ZC3HC1: variants seen among roughly 807,000 people sequenced by gnomAD.
The protein encoded by ZC3HC1 is zinc finger C3HC-type containing 1.
A neutral mutation model predicts 61.9 loss-of-function variants in ZC3HC1; 38 were observed. The observed-to-expected ratio is 0.61, with a 90% CI of 0.47 to 0.81. The LOEUF (loss-of-function observed/expected upper bound fraction) is 0.81, where lower values mean the gene tolerates loss of function less well. ZC3HC1 is among the 30% of genes least tolerant of loss of function. The pLI is 0.00. For synonymous variants in ZC3HC1, 213 were observed against 229.9 expected, an observed-to-expected ratio of 0.93 and a Z score of 0.67; for missense variants, 554 against 622.7, an observed-to-expected ratio of 0.89 and a Z score of 1.17.
chr7:130,020,281 T>TC (rs973839537), intron 9 of ZC3HC1, among the ~76,000 whole-genome samples: 2 of 151,508 alleles, frequency 1.3e-5, no homozygotes, highest in African/African-American at 4.8e-5. Flanking sequence ...TTTCTTTTTT[T>TC]TTTTTTTTTG....
chr7:130,034,417 A>G (rs191425267), intron 4 of ZC3HC1, among the ~76,000 whole-genome samples: 6,124 of 134,442 alleles, frequency 0.046, 191 homozygotes, highest in African/African-American at 0.1. Context: ...CCCGGGAGGC[A>G]GAGCTTGCAG....
Position 130,028,930 on chromosome 7 carries a change from G to A in ZC3HC1, c.593C>T (p.Ser198Phe), listed in dbSNP as rs767398625. 6.2e-7 allele frequency: 1 copy of A among 1,613,728 alleles called. No individual in the cohort carries two copies. Among genetic ancestry groups the A allele is most frequent in the South Asian group, 1.1e-5 (1 of 91,066 alleles). ...SLCHLDLQLP[S>F]LRPEDLKTMC... Reference sequence around the variant, plus strand: ...AGTTTTCAAGTCCTCCGGCCTTAGGGAAGGAAGCTGGAGGTCCAAGTGACA... The same window carrying A: ...AGTTTTCAAGTCCTCCGGCCTTAGGAAAGGAAGCTGGAGGTCCAAGTGACA... The change falls in exon 5 of 10, where the codon TCC (serine) becomes TTC (phenylalanine). Residue 198 changes from serine to phenylalanine, a missense_variant. Ser to Phe is a radical substitution (Grantham distance 155). Transcript: ENST00000358303.
At position 130,041,140 on chromosome 7, in the gene ZC3HC1, ATATATGTGTGTG is replaced by A. The variant is rs755380564; in HGVS notation, c.259-51_259-40del. 7.4e-4 allele frequency: 1,157 copies of A among 1,563,442 alleles called. 5 individuals are homozygous for A. The highest frequency in any genetic ancestry group is 1.4e-3 in the Middle Eastern group (8 of 5,918). ...GAAAAACAACACAGCAAATATATAT[ATATATGTGTGTG>A]TATGTGTGTGTGTGTGTGTGTGTGT... On this transcript the variant is annotated intron_variant, in intron 2 of 9. Transcript: ENST00000358303.
chr7:130,024,154 T>C (rs2116664385), intron 7 of ZC3HC1, 109 bp downstream of exon 7: 2 of 1,407,478 alleles, frequency 1.4e-6, no homozygotes, highest in Non-Finnish European at 1.9e-6. Flanking sequence ...GTAACCAATG[T>C]AGTGGGAAGA....
chr7:130,040,674 G>A (rs1461702917), intron 3 of ZC3HC1, among the ~76,000 whole-genome samples: 2 of 148,068 alleles, frequency 1.4e-5, no homozygotes, highest in Non-Finnish European at 3.0e-5. Flanking sequence ...CAGGTGTAGT[G>A]GCACTGCGCC....
rs1477506197 is a variant in ZC3HC1, at chr7:130,020,671, A to G, written c.1440+1648T>C. Among the ~76,000 whole-genome samples the G allele has an allele frequency of 9.2e-5, 14 of 152,246 alleles. No homozygotes were observed. The South Asian group carries it at 2.9e-3, about 32-fold the overall frequency. On this transcript the variant is annotated intron_variant, in intron 9 of 9. Transcript: ENST00000358303. The stretch of plus-strand genomic sequence containing the variant: ...CAGAAGGTTAAGACACACTACCGAA[A>G]AAAAAAGTCCTGGAATCCAGGGCCA...
chr7:130,020,946 C>A (rs1008723503), intron 9 of ZC3HC1, among the ~76,000 whole-genome samples: 1 of 151,876 alleles, frequency 6.6e-6, no homozygotes, highest in Non-Finnish European at 1.5e-5. Flanking sequence ...CTCTCTGAAG[C>A]CCAGGCTGGA....
In ZC3HC1 at chr7:130,043,997, C is replaced by T. The variant is rs1015467448; in HGVS notation, c.259-2896G>A. 1.6e-5 allele frequency: 6 copies of T among 363,948 alleles called. No homozygotes were observed. The Admixed American group carries it at 2.4e-4, about 15-fold the overall frequency. 22.5% of individuals were successfully genotyped at this position (363,948 alleles called of 1,614,324 possible). ...GATGTACAATTGCAACTGGAGATGT[C>T]AGCAGGAACTCATCGTTTTTTAAAA... is the stretch of plus-strand genomic sequence containing the variant. On this transcript the variant is annotated intron_variant, in intron 2 of 9. Coordinates refer to ENST00000358303, the MANE Select transcript of ZC3HC1 (RefSeq NM_016478.5).
At chr7:130,050,232 C>T (rs1254166149) in intron 1 of ZC3HC1, among the ~76,000 whole-genome samples, 6 of 152,126 alleles carry the variant, frequency 3.9e-5, no homozygotes, top group Admixed American at 6.5e-5. Context: ...CGCGGGCCAC[C>T]ACGCCCGGCT....
chr7:130,050,756 A>T (rs957901003), intron 1 of ZC3HC1, among the ~76,000 whole-genome samples: 4 of 152,188 alleles, frequency 2.6e-5, no homozygotes, highest in African/African-American at 7.2e-5. Context: ...TGGACTCTTT[A>T]ATAAAAAGCA....
In ZC3HC1 at chr7:130,049,063, T is replaced by C; in HGVS notation, c.228A>G (p.Glu76=). The change falls in exon 2 of 10, where the codon GAA becomes GAG. Residue 76 remains glutamate (E), a synonymous_variant. Transcript: ENST00000358303. ...ATGTTTCCACTCTGCTAAAGAAGGC[T>C]TCTTTGCTTGTAGATTCCAATGAAG... ...EQPSLESTSK[E]AFFSRVETFS... is the part of the protein sequence containing the mutation. 6.2e-7 allele frequency: 1 copy of C among 1,607,940 alleles called. No homozygotes were observed. Among genetic ancestry groups the C allele is most frequent in the South Asian group, 1.1e-5 (1 of 89,236 alleles).
At chr7:130,032,599 T>C (rs541049870) in intron 4 of ZC3HC1, among the ~76,000 whole-genome samples, 41 of 149,746 alleles carry the variant, frequency 2.7e-4, no homozygotes, top group African/African-American at 8.4e-4. Flanking sequence ...TGAGCTATGA[T>C]TGTGCCACTG....
intron 8 of ZC3HC1, chr7:130,022,928 A>G (rs756310371): frequency 3.9e-6 from 1 of 257,628 alleles, no homozygotes; most frequent in East Asian, 1.3e-4. Context: ...CCTACTGTGA[A>G]CTGCACATGA....
intron 6 of ZC3HC1, among the ~76,000 whole-genome samples, chr7:130,025,609 C>T (rs1440288090): frequency 2.0e-5 from 3 of 151,874 alleles, no homozygotes; most frequent in Non-Finnish European, 4.4e-5. Flanking sequence ...TGGCTCACGC[C>T]TGTAATCCCA....
At chr7:130,045,526 C>G in intron 2 of ZC3HC1, 1 of 457,426 alleles carries the variant, frequency 2.2e-6, no homozygotes, top group Non-Finnish European at 4.4e-6. Context: ...GAAGAATTTG[C>G]CATTTTCAGT....
intron 4 of ZC3HC1, among the ~76,000 whole-genome samples, chr7:130,032,222 T>TA (rs71175066): frequency 1.4e-5 from 2 of 144,160 alleles, no homozygotes; most frequent in African/African-American, 2.5e-5. Context: ...AGATTCCCTC[T>TA]AAAAAAAAAA....
In ZC3HC1 at chr7:130,023,514, A is replaced by G. The variant is rs1793740194; in HGVS notation, c.1230T>C (p.Ser410=). The change falls in exon 8 of 10, where the codon AGT becomes AGC. Residue 410 remains serine, a synonymous_variant. Coordinates refer to ENST00000358303, the MANE Select transcript of ZC3HC1 (RefSeq NM_016478.5). This position sits in a 1 kb window ranked among gnomAD's most constrained non-coding sequence, Gnocchi z 4.2. ...GCTACATGCGAGGTGGACTCACCGAACTGCTGGAGGAGCAGAGGCGAGCTC... is the reference window on the plus strand; with the variant it reads ...GCTACATGCGAGGTGGACTCACCGAGCTGCTGGAGGAGCAGAGGCGAGCTC... ...AKRARLCSSS[S]SDTSSRSFFD... The G allele has an allele frequency of 1.2e-6, 2 of 1,614,032 alleles. No individual in the cohort carries two copies.
intron 9 of ZC3HC1, among the ~76,000 whole-genome samples, chr7:130,019,826 T>TC (rs1467984957): frequency 1.4e-5 from 2 of 145,626 alleles, no homozygotes; most frequent in Non-Finnish European, 3.0e-5. Flanking sequence ...TTTTTTTTTT[T>TC]TTTTTTTTTG....
chr7:130,049,044 C>A lies in ZC3HC1; in HGVS notation c.247G>T (p.Glu83Ter). The stretch of plus-strand genomic sequence containing the variant: ...CTAAAAAAGGATATAGAAAATGTTT[C>A]CACTCTGCTAAAGAAGGCTTCTTTG... ...TSKEAFFSRV[E>*]TFSSLKWAGK... Residue 83 changes from glutamate to a stop codon, truncating the protein, a stop_gained, in exon 2 of 10, where the codon GAA (glutamate) becomes TAA (stop). Transcript: ENST00000358303. LOFTEE classifies it high-confidence loss of function. 1 of 1,598,636 alleles carries A rather than the reference C, an allele frequency of 6.3e-7. No individual in the cohort carries two copies.
Sources: gnomAD v4.1 joint callset for allele counts (sites outside exome capture counted in the v4.1 genomes callset) on GRCh38, gnomAD v4.1.1 for gene constraint, Gnocchi (gnomAD v3.1) non-coding constraint, MANE v1.5 for transcripts, NCBI Gene and HGNC (gene_info 2026-07-23, HGNC 2026-07-21) for gene names.